The following MAPK4 variants were observed in gnomAD, a reference collection of about 807,000 sequenced individuals.
MAPK4 encodes the protein mitogen-activated protein kinase 4.
MAPK4 carries 22 observed loss-of-function variants against 47.7 expected under a neutral mutation model. The ratio of observed to expected loss-of-function variants is 0.46; its 90% CI spans 0.33 to 0.66. The LOEUF (loss-of-function observed/expected upper bound fraction) is 0.66. Among genes scored for constraint, MAPK4 ranks in the 30% least tolerant of loss-of-function variants. The pLI, the probability that MAPK4 is intolerant of heterozygous loss-of-function variation, is 0.02. For missense variants in MAPK4, 736 were observed against 831.7 expected (o/e 0.88, Z 1.42); for synonymous variants, 390 against 365.7 (o/e 1.07, Z -0.76).
At chr18:50,698,799 G>A (rs1427249691) in intron 2 of MAPK4, among the ~76,000 whole-genome samples, 5 of 152,182 alleles carry the variant, frequency 3.3e-5, no homozygotes, top group East Asian at 1.9e-4. Context: ...GGAGGCCAAG[G>A]CAGGCAGATC....
intron 2 of MAPK4, among the ~76,000 whole-genome samples, chr18:50,703,533 G>A (rs1303670997): frequency 1.3e-5 from 2 of 152,148 alleles, no homozygotes; most frequent in African/African-American, 4.8e-5. Flanking sequence ...CATTCAGCAG[G>A]CGCCATAATA....
intron 5 of MAPK4, among the ~76,000 whole-genome samples, chr18:50,727,164 T>A (rs1246998003): frequency 6.6e-6 from 1 of 152,364 alleles, no homozygotes; most frequent in East Asian, 1.9e-4. Context: ...TTTCCTGTTC[T>A]GACGTTCTTA....
At chr18:50,583,043 T>C (rs2149363529) in intron 1 of MAPK4, among the ~76,000 whole-genome samples, 1 of 152,180 alleles carries the variant, frequency 6.6e-6, no homozygotes, top group Non-Finnish European at 1.5e-5. Context: ...GCTCATTGAG[T>C]TCTGGGTTCA....
chr18:50,713,767 G>A (rs987170776), intron 2 of MAPK4, among the ~76,000 whole-genome samples: 1 of 152,190 alleles, frequency 6.6e-6, no homozygotes, highest in African/African-American at 2.4e-5. Context: ...AATGCACAAA[G>A]GACAGAAGAA....
intron 1 of MAPK4, among the ~76,000 whole-genome samples, chr18:50,632,344 T>C (rs1370253710): frequency 6.6e-6 from 1 of 152,216 alleles, no homozygotes; most frequent in South Asian, 2.1e-4. Flanking sequence ...TGCTGTTTGA[T>C]TTCCAAATAA....
intron 1 of MAPK4, among the ~76,000 whole-genome samples, chr18:50,588,551 CTTTG>C (rs3080800): frequency 1.0e-4 from 15 of 150,610 alleles, no homozygotes; most frequent in South Asian, 6.4e-4. Context: ...TAGACTCCAT[CTTTG>C]TTTGTTTGTT....
At chr18:50,702,043 TC>T (rs1444674200) in intron 2 of MAPK4, among the ~76,000 whole-genome samples, 2 of 151,554 alleles carry the variant, frequency 1.3e-5, no homozygotes, top group African/African-American at 4.8e-5. Context: ...ACACCTGTGT[TC>T]CCAGCTACCA....
chr18:50,615,831 T>C (rs1424627462), intron 1 of MAPK4, among the ~76,000 whole-genome samples: 2 of 152,186 alleles, frequency 1.3e-5, no homozygotes, highest in African/African-American at 4.8e-5. Context: ...TTTAAGCACA[T>C]TGCAGGCCAG....
chr18:50,602,466 C>G (rs1471613281), intron 1 of MAPK4, among the ~76,000 whole-genome samples: 2 of 152,300 alleles, frequency 1.3e-5, no homozygotes, highest in East Asian at 3.9e-4. Context: ...CCCCCTGAGC[C>G]TAGCTCAGAT....
chr18:50,604,416 C>T lies in MAPK4; in HGVS notation c.-871+44173C>T, dbSNP rs193276775. Among the ~76,000 whole-genome samples the T allele has an allele frequency of 1.3e-3, 198 of 152,166 alleles. 1 individual carries two copies. The highest frequency in any genetic ancestry group is 4.4e-3 in the African/African-American group (183 of 41,498). ...AACATATCCAGTTCTCACTTCATAC[C>T]GGATAAATAAGGCATCACTTTCCAT... On this transcript the variant is annotated intron_variant, in intron 1 of 5. Coordinates refer to ENST00000400384, the MANE Select transcript of MAPK4 (RefSeq NM_002747.4).
At chr18:50,686,092 C>T (rs1277797702) in intron 2 of MAPK4, among the ~76,000 whole-genome samples, 4 of 152,108 alleles carry the variant, frequency 2.6e-5, no homozygotes, top group Admixed American at 2.6e-4. Flanking sequence ...AACCAAGGAA[C>T]AGCAAAACAA....
intron 1 of MAPK4, among the ~76,000 whole-genome samples, chr18:50,641,879 G>A (rs908018993): frequency 6.6e-6 from 1 of 152,152 alleles, no homozygotes; most frequent in African/African-American, 2.4e-5. Context: ...TCTTGTAAGT[G>A]TTCAATAACT....
intron 2 of MAPK4, among the ~76,000 whole-genome samples, chr18:50,684,132 G>A (rs970188224): frequency 7.2e-5 from 11 of 152,220 alleles, no homozygotes; most frequent in African/African-American, 2.7e-4. Flanking sequence ...GGGCTGCCCT[G>A]TTGCTAGAGC....
Position 50,603,957 on chromosome 18 carries a change from A to C in MAPK4, c.-871+43714A>C, listed in dbSNP as rs139099657. On this transcript the variant is annotated intron_variant, in intron 1 of 5. Coordinates refer to ENST00000400384, the MANE Select transcript of MAPK4 (RefSeq NM_002747.4). ...TTGCTCTTGGTTTACAAGGAGTTCT[A>C]ATAAGCTTGATTTGCTTCCTTACTT... Among the ~76,000 whole-genome samples the C allele has an allele frequency of 3.6e-3, 556 of 152,330 alleles. 5 individuals carry two copies. Among genetic ancestry groups the C allele is most frequent in the African/African-American group, 0.013 (532 of 41,572 alleles).
intron 3 of MAPK4, among the ~76,000 whole-genome samples, chr18:50,716,124 G>A (rs924906488): frequency 4.0e-5 from 6 of 151,850 alleles, no homozygotes; most frequent in Admixed American, 2.0e-4. Context: ...ACTCATTCTC[G>A]CACTCTCCCT....
At chr18:50,607,798 CTG>C (rs2042595051) in intron 1 of MAPK4, among the ~76,000 whole-genome samples, 1 of 152,198 alleles carries the variant, frequency 6.6e-6, no homozygotes, top group South Asian at 2.1e-4. Context: ...TCTTAAGAAA[CTG>C]TGCTACTCCC....
intron 1 of MAPK4, among the ~76,000 whole-genome samples, chr18:50,598,975 C>T (rs976873332): frequency 2.0e-5 from 3 of 152,140 alleles, no homozygotes; most frequent in African/African-American, 7.2e-5. Flanking sequence ...ACCTTGATCA[C>T]TTGGTTAAGG....
intron 1 of MAPK4, among the ~76,000 whole-genome samples, chr18:50,602,782 A>C (rs1472493054): frequency 1.3e-5 from 2 of 152,150 alleles, no homozygotes; most frequent in Non-Finnish European, 2.9e-5. Context: ...AAGGAGATAC[A>C]AGAATCAGCA....
At chr18:50,675,965 C>T (rs1908246192) in intron 2 of MAPK4, among the ~76,000 whole-genome samples, 1 of 152,184 alleles carries the variant, frequency 6.6e-6, no homozygotes, top group African/African-American at 2.4e-5. Context: ...ATTTAGCTAG[C>T]ACAGCATCAG....
Sources: gnomAD v4.1 joint callset for allele counts (sites outside exome capture counted in the v4.1 genomes callset) on GRCh38, gnomAD v4.1.1 for gene constraint, MANE v1.5 for transcripts, NCBI Gene and HGNC (gene_info 2026-07-23, HGNC 2026-07-21) for gene names.